Variants in SUCO observed in about 807,000 individuals in gnomAD.
SUCO encodes SUN domain-containing ossification factor.
Under a neutral mutation model 148.1 loss-of-function variants are expected in SUCO, and 57 were observed. The observed-to-expected ratio is 0.38, with a 90% CI of 0.31 to 0.48. The LOEUF (loss-of-function observed/expected upper bound fraction) is 0.48, where lower values mean the gene tolerates loss of function less well. SUCO is among the 20% of genes least tolerant of loss of function. SUCO has a pLI of 0.96. For missense variants in SUCO, 1,331 were observed against 1,468.2 expected, an observed-to-expected ratio of 0.91 and a Z score of 1.53; for synonymous variants, 470 against 502.7, an observed-to-expected ratio of 0.93 and a Z score of 0.87.
chr1:172,591,176 C>G, intron 19 of SUCO, 105 bp downstream of exon 19: 2 of 797,834 alleles, frequency 2.5e-6, no homozygotes, highest in East Asian at 5.5e-5. Flanking sequence ...TTTCCCCCTG[C>G]TAGCTGGTGT....
At chr1:172,533,697 G>C (rs1273043982) in intron 1 of SUCO, among the ~76,000 whole-genome samples, 200 bp downstream of exon 1, 1 of 152,136 alleles carries the variant, frequency 6.6e-6, no homozygotes, top group Non-Finnish European at 1.5e-5. Context: ...GGTGTATTTT[G>C]GAATTTACAG....
At chr1:172,586,309 G>T (rs1228217117) in intron 17 of SUCO, among the ~76,000 whole-genome samples, 1 of 151,976 alleles carries the variant, frequency 6.6e-6, no homozygotes, top group African/African-American at 2.4e-5. Flanking sequence ...AAGTTTAAAA[G>T]CATTGATCTG....
chr1:172,587,755 A>T (rs895688125), intron 17 of SUCO, among the ~76,000 whole-genome samples: 3 of 152,100 alleles, frequency 2.0e-5, no homozygotes, highest in Non-Finnish European at 4.4e-5. Flanking sequence ...ATTTCCTGGC[A>T]TGCTTAGTAA....
In SUCO at chr1:172,557,682, A is replaced by C. The variant is rs777359225; in HGVS notation, c.620A>C (p.His207Pro). ...GQHIENVSSS[H>P]GKGKITKSEF... ...CATATAGAAAATGTATCATCTTCAC[A>C]TGGTAAAGGAAAGATAACAAAATCA... The change falls in exon 6 of 24, where the codon CAT becomes CCT. Residue 207 changes from histidine to proline, a missense_variant. Around this residue, in one of 3 missense-constraint regions of SUCO, gnomAD observed 992 missense variants for 1,093.5 expected, o/e 0.91. Coordinates refer to ENST00000263688, the MANE Select transcript of SUCO (RefSeq NM_014283.5). The C allele has an allele frequency of 6.2e-7, 1 of 1,612,158 alleles. No homozygotes were observed. The highest frequency in any genetic ancestry group is 8.5e-7 in the Non-Finnish European group (1 of 1,179,356).
At chr1:172,595,797 G>A (rs765537734) in intron 19 of SUCO, among the ~76,000 whole-genome samples, 2 of 152,160 alleles carry the variant, frequency 1.3e-5, no homozygotes, top group African/African-American at 4.8e-5. Flanking sequence ...GGCGTTCTGT[G>A]TATTTCCTGA....
At chr1:172,553,457 G>A (rs1653464349) in intron 3 of SUCO, 87 bp downstream of exon 3, 1 of 928,518 alleles carries the variant, frequency 1.1e-6, no homozygotes, top group Non-Finnish European at 1.5e-6. Flanking sequence ...TATTGTGTGT[G>A]TATTGTTAGT....
intron 9 of SUCO, among the ~76,000 whole-genome samples, 177 bp from the exon 10 acceptor site, chr1:172,573,714 C>T (rs1028615183): frequency 6.6e-5 from 10 of 152,070 alleles, no homozygotes; most frequent in Non-Finnish European, 1.3e-4. Flanking sequence ...CTAATGGTAT[C>T]CTTTGGGAAG....
intron 15 of SUCO, among the ~76,000 whole-genome samples, chr1:172,582,883 T>C (rs950048284): frequency 1.3e-5 from 2 of 152,190 alleles, no homozygotes; most frequent in African/African-American, 4.8e-5. Context: ...GGATCTTTAT[T>C]GTAGGTACTG....
Position 172,557,383 on chromosome 1 carries a change from A to G in SUCO, c.547A>G (p.Ile183Val). The change falls in exon 5 of 24, where the codon ATT becomes GTT. Residue 183 changes from isoleucine to valine, a missense_variant. Physicochemically the swap from Ile to Val is conservative, Grantham distance 29. Transcript: ENST00000263688. ...VGEALDASAP[I>V]EQPSFVSPPD... is the part of the protein sequence containing the mutation. The stretch of plus-strand genomic sequence containing the variant: ...TGAGGCCCTTGATGCTAGTGCTCCA[A>G]TTGAACAACCTTCCTTTGTCAGTCC... The G allele has an allele frequency of 6.2e-7, 1 of 1,614,008 alleles. No individual in the cohort carries two copies.
At position 172,553,277 on chromosome 1, in the gene SUCO, T is replaced by A. The variant is rs777431044; in HGVS notation, c.195T>A (p.Pro65=). 5 of 1,585,486 alleles carry A rather than the reference T, an allele frequency of 3.2e-6. No individual in the cohort carries two copies. Among genetic ancestry groups the A allele is most frequent in the African/African-American group, 1.3e-5 (1 of 74,200 alleles). The change falls in exon 3 of 24, where the codon CCT becomes CCA. Residue 65 remains proline, a synonymous_variant. Transcript: ENST00000263688. ...QFQKKDEREG[P]INAESLGKSG... ...TTATATAGGATGAAAGAGAGGGACC[T>A]ATCAATGCCGAATCATTGGGAAAAT... is the stretch of plus-strand genomic sequence containing the variant.
intron 19 of SUCO, among the ~76,000 whole-genome samples, chr1:172,595,683 G>A (rs527491272): frequency 2.6e-5 from 4 of 152,290 alleles, no homozygotes; most frequent in Non-Finnish European, 4.4e-5. Flanking sequence ...TGGGTAACCC[G>A]ACCTTTCTCT....
In SUCO at chr1:172,591,135, C is replaced by A. The variant is rs557802475; in HGVS notation, c.2913+64C>A. The A allele has an allele frequency of 2.3e-5, 28 of 1,232,546 alleles. No homozygotes were observed. The African/African-American group carries it at 4.2e-4, about 19-fold the overall frequency. 76.4% of individuals were successfully genotyped at this position (1,232,546 alleles called of 1,614,324 possible). A position where few individuals can be genotyped will look rare whatever the true frequency, so the allele number is the denominator to read the frequency against. On this transcript the variant is annotated intron_variant, in intron 19 of 23. Coordinates refer to ENST00000263688, the MANE Select transcript of SUCO (RefSeq NM_014283.5). Reference sequence around the variant, plus strand: ...TTCCACTGAATTCTGTAGGGTCTCACTGGTAAACAGTAAGTATTGTAGTTT... The same window carrying A: ...TTCCACTGAATTCTGTAGGGTCTCAATGGTAAACAGTAAGTATTGTAGTTT...
chr1:172,569,290 T>C, intron 7 of SUCO, 148 bp downstream of exon 7: 3 of 1,060,888 alleles, frequency 2.8e-6, no homozygotes, highest in Non-Finnish European at 2.5e-6. Context: ...TGTTGATCCA[T>C]CCATCCATCA....
At chr1:172,592,810 A>G (rs1489207819) in intron 19 of SUCO, among the ~76,000 whole-genome samples, 1 of 152,094 alleles carries the variant, frequency 6.6e-6, no homozygotes, top group African/African-American at 2.4e-5. Flanking sequence ...CCAATTCTGT[A>G]AAGAAAGTCA....
chr1:172,562,400 C>G (rs1246283828), intron 6 of SUCO, among the ~76,000 whole-genome samples: 1 of 144,192 alleles, frequency 6.9e-6, no homozygotes, highest in Non-Finnish European at 1.5e-5. Flanking sequence ...GTGGTGCGAT[C>G]TCTGCTCACT....
intron 8 of SUCO, 72 bp from the exon 9 acceptor site, chr1:172,570,591 C>T (rs1282258818): frequency 2.8e-6 from 3 of 1,060,606 alleles, no homozygotes; most frequent in East Asian, 5.0e-5. Context: ...TCCCAGAAAA[C>T]TTTAAAGTTA....
At chr1:172,533,874 T>TAA (rs1651813393) in intron 1 of SUCO, among the ~76,000 whole-genome samples, 1 of 152,114 alleles carries the variant, frequency 6.6e-6, no homozygotes, top group Non-Finnish European at 1.5e-5. Flanking sequence ...CTTAGTGTGG[T>TAA]AAGGGGATAA....
At chr1:172,608,410 T>A (rs1657994215) in intron 22 of SUCO, 1 of 285,622 alleles carries the variant, frequency 3.5e-6, no homozygotes, top group Admixed American at 5.4e-5. Context: ...TACCCAGGAA[T>A]GTTTCTTTTC....
chr1:172,539,113 T>A (rs185686634), intron 1 of SUCO, among the ~76,000 whole-genome samples: 1 of 152,326 alleles, frequency 6.6e-6, no homozygotes, highest in East Asian at 1.9e-4. Flanking sequence ...CATCACTCTT[T>A]CACTTTTCTC....
Sources: gnomAD v4.1 joint callset for allele counts (sites outside exome capture counted in the v4.1 genomes callset) on GRCh38, gnomAD v4.1.1 for gene constraint, gnomAD v4.1.1 regional missense constraint, MANE v1.5 for transcripts, NCBI Gene and HGNC (gene_info 2026-07-23, HGNC 2026-07-21) for gene names.